The following METRNL variants were observed in gnomAD, a reference collection of about 807,000 sequenced individuals.
The protein encoded by METRNL is meteorin-like protein.
Under a neutral mutation model 17.4 loss-of-function variants are expected in METRNL, and 9 were observed. The ratio of observed to expected loss-of-function variants is 0.52; its 90% CI spans 0.31 to 0.90. The LOEUF (loss-of-function observed/expected upper bound fraction) is 0.90. Among genes scored for constraint, METRNL ranks in the 40% least tolerant of loss-of-function variants. The pLI is 0.05. For missense variants in METRNL, 408 were observed against 430.7 expected (o/e 0.95, Z 0.47); for synonymous variants, 215 against 199.3 (o/e 1.08, Z -0.66).
chr17:83,091,295 A>C (rs2038133263), intron 2 of METRNL, among the ~76,000 whole-genome samples: 1 of 152,044 alleles, frequency 6.6e-6, no homozygotes, highest in Non-Finnish European at 1.5e-5. Flanking sequence ...ACCTTAATGG[A>C]AGCAAATGCA....
intron 1 of METRNL, among the ~76,000 whole-genome samples, chr17:83,081,667 CACACACACACACAGGGGACCCCCCCCA>C (rs2037990718): frequency 6.7e-6 from 1 of 148,522 alleles, no homozygotes; most frequent in Admixed American, 6.6e-5. Context: ...GGGACCCCCC[CACACACACACACAGGGGACCCCCCCCA>C]ACACACACAC....
intron 1 of METRNL, 138 bp downstream of exon 1, chr17:83,080,123 C>T (rs1224970081): frequency 3.5e-6 from 1 of 287,508 alleles, no homozygotes. Context: ...CAGGCCCAGT[C>T]CGGTGCCCGC....
At chr17:83,092,237 G>A (rs1211982724) in intron 2 of METRNL, among the ~76,000 whole-genome samples, 7 of 152,236 alleles carry the variant, frequency 4.6e-5, no homozygotes, top group Admixed American at 2.6e-4. Flanking sequence ...GGAAGGGGCC[G>A]GGCCGATGGC....
chr17:83,079,890 C>G lies in METRNL; in HGVS notation c.75C>G (p.Pro25=). ...CGCGACCCCCCGCCCCGGGCCCGCC[C>G]CCGCCGCCGCTCCCGCTGCTGCTCC... ...PWPRPPAPGP[P]PPPLPLLLLL... is the part of the protein sequence containing the mutation. The change falls in exon 1 of 4, where the codon CCC becomes CCG. Residue 25 remains proline, a synonymous_variant. Transcript: ENST00000320095. 1.0e-6 allele frequency: 1 copy of G among 986,760 alleles called. No homozygotes were observed. The highest frequency in any genetic ancestry group is 1.2e-6 in the Non-Finnish European group (1 of 831,302). The allele number at this position is 986,760 out of a possible 1,614,324, so 61.1% of individuals were successfully genotyped here.
At chr17:83,091,439 C>T (rs1485873430) in intron 2 of METRNL, among the ~76,000 whole-genome samples, 2 of 152,232 alleles carry the variant, frequency 1.3e-5, no homozygotes, top group South Asian at 2.1e-4. Context: ...CAAAGACCTG[C>T]GCTTGCCCAG....
intron 1 of METRNL, among the ~76,000 whole-genome samples, chr17:83,081,117 G>A (rs1183574617): frequency 1.3e-5 from 2 of 151,864 alleles, no homozygotes; most frequent in Admixed American, 6.5e-5. Context: ...CGTGGGCGGT[G>A]CCCGGCTGTC....
intron 2 of METRNL, among the ~76,000 whole-genome samples, chr17:83,088,465 G>C (rs192573424): frequency 9.1e-4 from 139 of 152,308 alleles, no homozygotes; most frequent in Middle Eastern, 3.4e-3. Flanking sequence ...GCTTCTCCCA[G>C]GGCTGTGTGT....
At chr17:83,089,697 G>A (rs569541805) in intron 2 of METRNL, among the ~76,000 whole-genome samples, 42 of 152,272 alleles carry the variant, frequency 2.8e-4, no homozygotes, top group Middle Eastern at 6.8e-3. Flanking sequence ...AGCGCGTTCC[G>A]CAGCCTTTAT....
At chr17:83,090,219 G>C in intron 2 of METRNL, among the ~76,000 whole-genome samples, 1 of 40,276 alleles carries the variant, frequency 2.5e-5, no homozygotes, top group Admixed American at 4.3e-4. Context: ...CCCCGCCCCA[G>C]GGTGGGAGCC....
intron 1 of METRNL, among the ~76,000 whole-genome samples, chr17:83,081,702 C>G (rs1327336829): frequency 6.6e-6 from 1 of 152,186 alleles, no homozygotes; most frequent in African/African-American, 2.4e-5. Flanking sequence ...CCAACACACA[C>G]ACACCTGCAG....
At chr17:83,087,036 C>T (rs1487977862) in intron 2 of METRNL, among the ~76,000 whole-genome samples, 4 of 152,050 alleles carry the variant, frequency 2.6e-5, no homozygotes, top group Non-Finnish European at 2.9e-5. Context: ...AGGGAGGCAG[C>T]GGCCTCTTGT....
chr17:83,093,750 C>T (rs1425760618), intron 3 of METRNL, among the ~76,000 whole-genome samples: 4 of 152,118 alleles, frequency 2.6e-5, no homozygotes, highest in African/African-American at 4.8e-5. Flanking sequence ...TTTGGCCTCC[C>T]GTCGTGTGGT....
intron 2 of METRNL, among the ~76,000 whole-genome samples, chr17:83,089,365 G>T (rs1210624589): frequency 2.6e-5 from 4 of 152,174 alleles, no homozygotes; most frequent in African/African-American, 4.8e-5. Context: ...GAGGTTTCCC[G>T]TCGGAACTGT....
At chr17:83,089,081 A>G (rs1032934646) in intron 2 of METRNL, among the ~76,000 whole-genome samples, 4 of 151,262 alleles carry the variant, frequency 2.6e-5, no homozygotes, top group African/African-American at 9.7e-5. Flanking sequence ...GGCAGGGGCT[A>G]TGGGGCCAAC....
intron 1 of METRNL, chr17:83,082,102 C>T (rs1600483522): frequency 9.1e-6 from 9 of 985,276 alleles, no homozygotes; most frequent in African/African-American, 3.5e-5. Flanking sequence ...ACCTCCCTTC[C>T]GTGGGGGGAG....
At chr17:83,084,080 T>G (rs1342425165) in intron 1 of METRNL, 1 of 152,208 alleles carries the variant, frequency 6.6e-6, no homozygotes, top group Non-Finnish European at 1.5e-5. Context: ...TTTTTCTGTT[T>G]AGCATGTATG....
At chr17:83,081,294 C>T (rs941310404) in intron 1 of METRNL, among the ~76,000 whole-genome samples, 2 of 152,242 alleles carry the variant, frequency 1.3e-5, no homozygotes, top group South Asian at 2.1e-4. Flanking sequence ...TGCCTCTGCC[C>T]GGCGGGTCGG....
chr17:83,089,382 C>G (rs902155965), intron 2 of METRNL, among the ~76,000 whole-genome samples: 1 of 152,172 alleles, frequency 6.6e-6, no homozygotes, highest in African/African-American at 2.4e-5. Flanking sequence ...CTGTGTGAGT[C>G]CCTCTGGCTG....
At chr17:83,084,835 G>A (rs2038030842) in intron 1 of METRNL, 103 bp from the exon 2 acceptor site, 45 of 1,449,786 alleles carry the variant, frequency 3.1e-5, no homozygotes, top group Non-Finnish European at 3.9e-5. Flanking sequence ...TCCAGGAGCC[G>A]CCATCATTTG....
Sources: allele counts gnomAD v4.1 joint callset (sites outside exome capture counted in the v4.1 genomes callset), GRCh38; gene constraint gnomAD v4.1.1; transcripts MANE v1.5; gene names NCBI Gene and HGNC (gene_info 2026-07-23, HGNC 2026-07-21).